PRIM2: variants seen among roughly 807,000 people sequenced by gnomAD.
PRIM2 encodes the protein DNA primase large subunit.
A neutral mutation model predicts 67.3 loss-of-function variants in PRIM2; 39 were observed. The observed-to-expected ratio is 0.58, with a 90% confidence interval of 0.45 to 0.76. The LOEUF (loss-of-function observed/expected upper bound fraction) is 0.76. Ranked by LOEUF, PRIM2 falls within the 30% of genes least tolerant of loss-of-function variation. The pLI is 0.00. For synonymous variants in PRIM2, 143 were observed against 198.7 expected (o/e 0.72, Z 2.36); for missense variants, 398 against 598.7 (o/e 0.66, Z 3.50).
chr6:57,512,848 C>T (rs1554347842), intron 8 of PRIM2, among the ~76,000 whole-genome samples: 2 of 152,118 alleles, frequency 1.3e-5, no homozygotes, highest in South Asian at 2.1e-4. Context: ...CTGCCTGCCT[C>T]GGCCTCCCAA....
the PRIM2 span, among the ~76,000 whole-genome samples, chr6:57,282,401 T>A: frequency 6.6e-6 from 1 of 152,162 alleles, no homozygotes; most frequent in African/African-American, 2.4e-5. Context: ...CTGTTGGGTA[T>A]CTCCAACTGC....
intron 5 of PRIM2, among the ~76,000 whole-genome samples, chr6:57,335,515 G>A (rs1464220468): frequency 6.6e-6 from 1 of 152,218 alleles, no homozygotes; most frequent in African/African-American, 2.4e-5. Flanking sequence ...CTGGAGATCT[G>A]AGAATGGGCA....
At chr6:57,308,845 TTCTAC>T in the PRIM2 span, among the ~76,000 whole-genome samples, 17 of 152,198 alleles carry the variant, frequency 1.1e-4, no homozygotes, top group Middle Eastern at 3.4e-3. Context: ...CCTTTCTCTT[TTCTAC>T]TGTTTATTTT....
At chr6:57,326,527 C>T (rs1334111045) in intron 5 of PRIM2, among the ~76,000 whole-genome samples, 4 of 152,110 alleles carry the variant, frequency 2.6e-5, no homozygotes, top group African/African-American at 9.7e-5. Context: ...GCGAGACCAT[C>T]TTGACCAACA....
intron 7 of PRIM2, among the ~76,000 whole-genome samples, chr6:57,452,601 T>C (rs112109872): frequency 1.9e-4 from 29 of 152,292 alleles, no homozygotes; most frequent in African/African-American, 7.0e-4. Flanking sequence ...AGTGTCTGTT[T>C]ATATCCTTTG....
At chr6:57,433,181 C>A (rs1771889031) in intron 7 of PRIM2, among the ~76,000 whole-genome samples, 1 of 147,374 alleles carries the variant, frequency 6.8e-6, no homozygotes, top group Non-Finnish European at 1.5e-5. Flanking sequence ...CATTGCCAAC[C>A]CCAGTGCTAA....
chr6:57,284,019 T>G, the PRIM2 span, among the ~76,000 whole-genome samples: 1 of 152,180 alleles, frequency 6.6e-6, no homozygotes, highest in Non-Finnish European at 1.5e-5. Flanking sequence ...TATTTCTTAC[T>G]CTCAAAAGTG....
chr6:57,265,344 T>A, the PRIM2 span, among the ~76,000 whole-genome samples: 1 of 152,228 alleles, frequency 6.6e-6, no homozygotes, highest in Non-Finnish European at 1.5e-5. Context: ...ATGACTTTAA[T>A]TATTAAGCTG....
the PRIM2 span, among the ~76,000 whole-genome samples, chr6:57,227,243 T>C: frequency 8.5e-4 from 129 of 152,350 alleles, 1 homozygote; most frequent in Middle Eastern, 0.027. Flanking sequence ...TGTGATATTC[T>C]TCCTCACACT....
the PRIM2 span, among the ~76,000 whole-genome samples, chr6:57,273,735 G>GT: frequency 4.6e-5 from 7 of 152,112 alleles, no homozygotes; most frequent in African/African-American, 1.7e-4. Flanking sequence ...TTTCTGCTCT[G>GT]TTTTTTCCCC....
intron 10 of PRIM2, among the ~76,000 whole-genome samples, chr6:57,581,626 C>G (rs1776085152): frequency 6.6e-6 from 1 of 152,176 alleles, no homozygotes; most frequent in Admixed American, 6.5e-5. Context: ...TAGAACTCCC[C>G]CTGACCGTTT....
intron 10 of PRIM2, among the ~76,000 whole-genome samples, chr6:57,589,255 T>C (rs1302141792): frequency 6.6e-5 from 10 of 152,134 alleles, no homozygotes; most frequent in African/African-American, 2.2e-4. Flanking sequence ...GTCAGGAAAG[T>C]ATTTGGTGAT....
intron 7 of PRIM2, among the ~76,000 whole-genome samples, chr6:57,476,318 G>C (rs1265450777): frequency 6.6e-6 from 1 of 152,182 alleles, no homozygotes; most frequent in African/African-American, 2.4e-5. Flanking sequence ...AAATTGCGCA[G>C]TGATATCATC....
chr6:57,363,887 A>G (rs6911177), intron 5 of PRIM2, among the ~76,000 whole-genome samples: 10 of 152,078 alleles, frequency 6.6e-5, no homozygotes, highest in African/African-American at 2.4e-4. Context: ...GTGTTAGTCA[A>G]CTGTATTTTA....
intron 8 of PRIM2, among the ~76,000 whole-genome samples, chr6:57,510,121 A>G: frequency 6.6e-6 from 1 of 151,784 alleles, no homozygotes; most frequent in Non-Finnish European, 1.5e-5. Flanking sequence ...AGAATTTGTG[A>G]TATTGTTATT....
intron 8 of PRIM2, among the ~76,000 whole-genome samples, chr6:57,519,646 T>C (rs2127463743): frequency 6.6e-6 from 1 of 152,324 alleles, no homozygotes; most frequent in East Asian, 1.9e-4. Context: ...ACACACATGC[T>C]GTACAATTTG....
At chr6:57,462,944 G>T (rs1231204743) in intron 7 of PRIM2, among the ~76,000 whole-genome samples, 1 of 152,182 alleles carries the variant, frequency 6.6e-6, no homozygotes, top group Non-Finnish European at 1.5e-5. Context: ...CCCCTGCTAC[G>T]TGCTACTCTT....
intron 7 of PRIM2, among the ~76,000 whole-genome samples, chr6:57,500,271 A>G: frequency 6.6e-6 from 1 of 152,102 alleles, no homozygotes; most frequent in East Asian, 1.9e-4. Flanking sequence ...CCTCTAGTTT[A>G]GTTTGCCCTC....
At chr6:57,307,249 T>C in the PRIM2 span, among the ~76,000 whole-genome samples, 1 of 88,102 alleles carries the variant, frequency 1.1e-5, no homozygotes, top group East Asian at 4.6e-4. Context: ...TAAATGCTAA[T>C]TCAAGGATGG....
Sources: allele counts gnomAD v4.1 joint callset (sites outside exome capture counted in the v4.1 genomes callset), GRCh38; gene constraint gnomAD v4.1.1; transcripts MANE v1.5; gene names NCBI Gene and HGNC (gene_info 2026-07-23, HGNC 2026-07-21).